Variants in ADAMTS6 observed in about 807,000 individuals in gnomAD.
The protein encoded by ADAMTS6 is A disintegrin and metalloproteinase with thrombospondin motifs 6.
Under a neutral mutation model 144.3 loss-of-function variants are expected in ADAMTS6, and 23 were observed. That is an observed-to-expected ratio of 0.16 (90% CI 0.11 to 0.23). ADAMTS6 has a LOEUF of 0.23. ADAMTS6 is among the 10% of genes least tolerant of loss of function. The pLI is 1.00. For synonymous variants in ADAMTS6, 444 were observed against 457.5 expected (o/e 0.97, Z 0.38); for missense variants, 999 against 1,379.6 (o/e 0.72, Z 4.37).
At chr5:65,442,096 A>G (rs986454696) in intron 7 of ADAMTS6, among the ~76,000 whole-genome samples, 10 of 143,526 alleles carry the variant, frequency 7.0e-5, no homozygotes, top group African/African-American at 2.5e-4. Flanking sequence ...CAGAAAAATG[A>G]AAAAAAAAAA....
At chr5:65,311,005 G>GA (rs1000492036) in intron 9 of ADAMTS6, among the ~76,000 whole-genome samples, 24 of 146,018 alleles carry the variant, frequency 1.6e-4, no homozygotes, top group African/African-American at 2.5e-4. Flanking sequence ...AGAGAAAAGT[G>GA]AAAAAAAAAA....
rs1743399879 is a variant in ADAMTS6, at chr5:65,301,810, C to T, written c.1224-1679G>A. On this transcript the variant is annotated intron_variant, in intron 9 of 24. Transcript: ENST00000381055. ...AGACATATAATATGTCCTCATAGGCCGGGCCGGGTGGCTCACACCTGTAAT... is the reference window on the plus strand; with the variant it reads ...AGACATATAATATGTCCTCATAGGCTGGGCCGGGTGGCTCACACCTGTAAT... Among the ~76,000 whole-genome samples, 4 of 151,892 alleles carry T rather than the reference C, an allele frequency of 2.6e-5. No individual in the cohort carries two copies. The South Asian group carries it at 6.2e-4, about 24-fold the overall frequency.
chr5:65,377,457 T>C (rs532730225), intron 7 of ADAMTS6, among the ~76,000 whole-genome samples: 1 of 152,318 alleles, frequency 6.6e-6, no homozygotes, highest in East Asian at 1.9e-4. Context: ...TAAAAGGATA[T>C]GCAGAGCACA....
intron 20 of ADAMTS6, among the ~76,000 whole-genome samples, chr5:65,211,291 A>G (rs1756515870): frequency 6.6e-6 from 1 of 152,144 alleles, no homozygotes. Flanking sequence ...CCTAGGAAAT[A>G]TTTTCCACCT....
chr5:65,178,987 A>G (rs1258716358), intron 22 of ADAMTS6, among the ~76,000 whole-genome samples: 1 of 152,054 alleles, frequency 6.6e-6, no homozygotes, highest in African/African-American at 2.4e-5. Context: ...GTAGACTGTG[A>G]GCTGTACGTG....
rs375834189 is a variant in ADAMTS6 at position 65,350,717 on chromosome 5, G to A, written c.1074-16632C>T. Among the ~76,000 whole-genome samples, 4 of 152,214 alleles carry A rather than the reference G, an allele frequency of 2.6e-5. No homozygotes were observed. The East Asian group carries it at 5.8e-4, about 22-fold the overall frequency. On this transcript the variant is annotated intron_variant, in intron 7 of 24. Transcript: ENST00000381055. Reference sequence around the variant, plus strand: ...CACCCAGGCTGCAGTGCAGTGGTGCGATCTCAGCTCACTGCAACCTCTACC... The same window carrying A: ...CACCCAGGCTGCAGTGCAGTGGTGCAATCTCAGCTCACTGCAACCTCTACC...
intron 9 of ADAMTS6, among the ~76,000 whole-genome samples, chr5:65,308,826 A>G (rs1305865774): frequency 1.3e-5 from 2 of 152,366 alleles, no homozygotes; most frequent in East Asian, 3.9e-4. Context: ...CTAAGATTCC[A>G]AAATTAATAT....
At chr5:65,161,613 A>T (rs1752788144) in intron 24 of ADAMTS6, among the ~76,000 whole-genome samples, 1 of 152,172 alleles carries the variant, frequency 6.6e-6, no homozygotes, top group Admixed American at 6.5e-5. Flanking sequence ...AATTAAAAAA[A>T]TTTTCATTTA....
chr5:65,427,819 C>G (rs1756672059), intron 7 of ADAMTS6, among the ~76,000 whole-genome samples: 1 of 150,726 alleles, frequency 6.6e-6, no homozygotes, highest in Admixed American at 6.6e-5. Context: ...AACAAAAATG[C>G]CAGTATGACT....
chr5:65,198,252 A>G (rs1183667699), intron 20 of ADAMTS6, among the ~76,000 whole-genome samples: 1 of 152,212 alleles, frequency 6.6e-6, no homozygotes, highest in Non-Finnish European at 1.5e-5. Context: ...GAGTTGTAAA[A>G]GCAGCATTAG....
chr5:65,298,343 A>T (rs1187364440), intron 10 of ADAMTS6, among the ~76,000 whole-genome samples: 1 of 152,218 alleles, frequency 6.6e-6, no homozygotes, highest in Non-Finnish European at 1.5e-5. Flanking sequence ...AGATAAGAGC[A>T]ACCATCAGAA....
chr5:65,212,900 C>T (rs1437241070), intron 20 of ADAMTS6, among the ~76,000 whole-genome samples: 1 of 152,098 alleles, frequency 6.6e-6, no homozygotes, highest in Non-Finnish European at 1.5e-5. Flanking sequence ...ATAAGTTTAT[C>T]CCACCTTGCC....
At chr5:65,177,921 A>G (rs1206152533) in intron 22 of ADAMTS6, among the ~76,000 whole-genome samples, 1 of 152,156 alleles carries the variant, frequency 6.6e-6, no homozygotes, top group African/African-American at 2.4e-5. Flanking sequence ...AGTCGTGCCA[A>G]GCTCTCTCTG....
chr5:65,245,200 C>G (rs1759522657), intron 14 of ADAMTS6, among the ~76,000 whole-genome samples: 1 of 152,060 alleles, frequency 6.6e-6, no homozygotes. Context: ...CTCTTCTACT[C>G]TGCTCTATAT....
chr5:65,269,106 C>G (rs1761861059), intron 12 of ADAMTS6, among the ~76,000 whole-genome samples: 1 of 152,120 alleles, frequency 6.6e-6, no homozygotes, highest in African/African-American at 2.4e-5. Context: ...TCTCTACTGC[C>G]AGCTAAGGCA....
At chr5:65,371,994 A>C (rs1750976110) in intron 7 of ADAMTS6, among the ~76,000 whole-genome samples, 1 of 152,150 alleles carries the variant, frequency 6.6e-6, no homozygotes, top group Non-Finnish European at 1.5e-5. Flanking sequence ...AAGAATTTTC[A>C]ACCCCGAATT....
chr5:65,265,074 A>G (rs948876809), intron 12 of ADAMTS6, among the ~76,000 whole-genome samples: 13 of 152,104 alleles, frequency 8.5e-5, no homozygotes, highest in Admixed American at 7.2e-4. Context: ...TTTTTAGAGC[A>G]GTGCTGAGCA....
chr5:65,256,510 T>A (rs1182102500), intron 14 of ADAMTS6: 1 of 152,204 alleles, frequency 6.6e-6, no homozygotes, highest in African/African-American at 2.4e-5. Context: ...TAAATATATA[T>A]GTATCCATAA....
At chr5:65,239,886 A>G (rs1476786334) in intron 15 of ADAMTS6, among the ~76,000 whole-genome samples, 1 of 152,224 alleles carries the variant, frequency 6.6e-6, no homozygotes, top group Non-Finnish European at 1.5e-5. Flanking sequence ...GAACCCTCAG[A>G]CATTGTCGGT....
Sources: gnomAD v4.1 joint callset for allele counts (sites outside exome capture counted in the v4.1 genomes callset) on GRCh38, gnomAD v4.1.1 for gene constraint, MANE v1.5 for transcripts, NCBI Gene and HGNC (gene_info 2026-07-23, HGNC 2026-07-21) for gene names.